Variants in ZNF724 observed in about 807,000 individuals in gnomAD.
The protein encoded by ZNF724 is zinc finger protein 724 pseudogene.
In ZNF724, 14 loss-of-function variants were observed where a neutral mutation model predicts 29.3. The observed-to-expected ratio is 0.48, with a 90% CI of 0.32 to 0.75. The LOEUF is 0.75. Among genes scored for constraint, ZNF724 ranks in the 30% least tolerant of loss-of-function variants. ZNF724 has a pLI of 0.04. For missense variants in ZNF724, 557 were observed against 571.2 expected (o/e 0.98, Z 0.25); for synonymous variants, 180 against 193.6 (o/e 0.93, Z 0.58).
rs1179886971 is a variant in ZNF724 at position 23,233,212 on chromosome 19, T to C, written c.4-919A>G. ...AGGTATCTTCTATCTTGATACAGGATATCTTAAGATACAGGAATCTTCTAT... is the reference window on the plus strand; with the variant it reads ...AGGTATCTTCTATCTTGATACAGGACATCTTAAGATACAGGAATCTTCTAT... On this transcript the variant is annotated intron_variant, in intron 1 of 3. Coordinates refer to ENST00000418100, the MANE Select transcript of ZNF724 (RefSeq NM_001355404.2). 2.0e-5 allele frequency among the ~76,000 whole-genome samples: 3 copies of C among 152,310 alleles called. No individual in the cohort carries two copies. In the East Asian group the frequency reaches 5.8e-4, roughly 29 times the overall value.
intron 3 of ZNF724, among the ~76,000 whole-genome samples, chr19:23,227,572 A>C (rs28686971): frequency 4.8e-5 from 2 of 41,874 alleles, no homozygotes; most frequent in South Asian, 1.1e-3. Flanking sequence ...AAAAAAAAAC[A>C]AAAAAAAACA....
At chr19:23,235,029 G>A (rs1012617102) in intron 1 of ZNF724, among the ~76,000 whole-genome samples, 1 of 152,130 alleles carries the variant, frequency 6.6e-6, no homozygotes. Context: ...ATTCTTTGCT[G>A]GTTCTTTAAA....
intron 1 of ZNF724, among the ~76,000 whole-genome samples, chr19:23,239,330 T>C (rs1481449539): frequency 6.6e-6 from 1 of 152,160 alleles, no homozygotes; most frequent in African/African-American, 2.4e-5. Context: ...AATAAAACAA[T>C]CCTCAGCAAA....
intron 1 of ZNF724, among the ~76,000 whole-genome samples, chr19:23,243,490 A>T (rs1448249905): frequency 6.8e-5 from 10 of 146,074 alleles, no homozygotes; most frequent in South Asian, 2.1e-4. Flanking sequence ...AAAAAAAAAA[A>T]AAAAAAAAAA....
intron 1 of ZNF724, among the ~76,000 whole-genome samples, chr19:23,238,480 A>T (rs1972060918): frequency 6.6e-6 from 1 of 152,254 alleles, no homozygotes; most frequent in South Asian, 2.1e-4. Flanking sequence ...TGTAAATATG[A>T]TTTACATATA....
rs1352568124 is a variant in ZNF724 at position 23,223,584 on chromosome 19, T to TATG, written c.658_660dup (p.His220dup). Reference sequence around the variant, plus strand: ...TCACATTTGTAGTGTTTTTGTCCTGTATGAATTCTCTTATGTTGAGAAAGG... The same window carrying TATG: ...TCACATTTGTAGTGTTTTTGTCCTGTATGATGAATTCTCTTATGTTGAGAAAGG... On this transcript the variant is annotated inframe_insertion, in exon 4 of 4. Transcript: ENST00000418100. The TATG allele has an allele frequency of 2.8e-6, 2 of 719,890 alleles. No individual in the cohort carries two copies. Among genetic ancestry groups the TATG allele is most frequent in the African/African-American group, 3.5e-5 (2 of 57,408 alleles). 44.6% of individuals were successfully genotyped at this position (719,890 alleles called of 1,614,324 possible). A position where few individuals can be genotyped will look rare whatever the true frequency, so the allele number is the denominator to read the frequency against.
Position 23,222,570 on chromosome 19 carries a change from C to T in ZNF724, c.1675G>A (p.Glu559Lys). Residue 559 changes from glutamate (E) to lysine (K), a missense_variant, in exon 4 of 4, where the codon GAG becomes AAG. Glu to Lys is a moderately conservative substitution (Grantham distance 56, BLOSUM62 1). This residue lies in a region of ZNF724 where 170 missense variants were observed against 220.7 expected (regional missense o/e 0.77). Coordinates refer to ENST00000418100, the MANE Select transcript of ZNF724 (RefSeq NM_001355404.2). Reference sequence around the variant, plus strand: ...CATTCTTCACATTTGTAGGGTTTCTCTCCAGTATGAATTATCTTATGTTGA... The same window carrying T: ...CATTCTTCACATTTGTAGGGTTTCTTTCCAGTATGAATTATCTTATGTTGA... ...LTQHKIIHTG[E>K]KPYKCEECGK... The T allele has an allele frequency of 2.9e-6, 4 of 1,384,516 alleles. No homozygotes were observed. The highest frequency in any genetic ancestry group is 4.1e-6 in the Non-Finnish European group (4 of 972,802). The allele number at this position is 1,384,516 out of a possible 1,614,324, so 85.8% of individuals were successfully genotyped here.
intron 3 of ZNF724, 70 bp from the exon 4 acceptor site, chr19:23,224,088 C>T: frequency 1.7e-6 from 1 of 592,170 alleles, no homozygotes; most frequent in Non-Finnish European, 3.0e-6. Context: ...CACATCTAAC[C>T]TACAAAACTA....
intron 1 of ZNF724, among the ~76,000 whole-genome samples, chr19:23,249,632 C>A (rs1252692836): frequency 6.6e-6 from 1 of 152,122 alleles, no homozygotes; most frequent in Non-Finnish European, 1.5e-5. Flanking sequence ...AACTCCTGAC[C>A]TCGTAATCCG....
At chr19:23,233,412 T>A (rs1314770957) in intron 1 of ZNF724, among the ~76,000 whole-genome samples, 1 of 151,946 alleles carries the variant, frequency 6.6e-6, no homozygotes, top group Non-Finnish European at 1.5e-5. Flanking sequence ...ATAGGGCTAA[T>A]AGCAAACACA....
intron 1 of ZNF724, among the ~76,000 whole-genome samples, chr19:23,243,514 C>CAAAAAAAAAAAAA (rs1972175444): frequency 7.7e-6 from 1 of 129,692 alleles, no homozygotes; most frequent in African/African-American, 3.1e-5. Context: ...TAAACTGATG[C>CAAAAAAAAAAAAA]AGAAAGAGAA....
chr19:23,226,340 C>T (rs1435935967), intron 3 of ZNF724, among the ~76,000 whole-genome samples: 1 of 152,052 alleles, frequency 6.6e-6, no homozygotes, highest in Non-Finnish European at 1.5e-5. Context: ...CGTGAGCCAC[C>T]ACGCCCAGCC....
intron 1 of ZNF724, among the ~76,000 whole-genome samples, chr19:23,243,308 T>A (rs1972168359): frequency 6.7e-6 from 1 of 149,222 alleles, no homozygotes; most frequent in South Asian, 2.1e-4. Context: ...TGAAACGCCG[T>A]CTCTACCAAA....
At chr19:23,242,944 CAGG>C (rs1972156700) in intron 1 of ZNF724, among the ~76,000 whole-genome samples, 1 of 146,350 alleles carries the variant, frequency 6.8e-6, no homozygotes, top group Non-Finnish European at 1.5e-5. Flanking sequence ...GAGGCTGAGG[CAGG>C]AGAATAGCTT....
chr19:23,224,041 C>T (rs1971777131), intron 3 of ZNF724, 23 bp from the exon 4 acceptor site: 3 of 622,894 alleles, frequency 4.8e-6, no homozygotes, highest in Non-Finnish European at 8.6e-6. Context: ...AAAATAACAA[C>T]TTACTCCACA....
At chr19:23,250,055 G>A (rs1228191864) in intron 1 of ZNF724, among the ~76,000 whole-genome samples, 185 bp downstream of exon 1, 1 of 152,178 alleles carries the variant, frequency 6.6e-6, no homozygotes, top group Non-Finnish European at 1.5e-5. Flanking sequence ...AGACGCCCGG[G>A]GGCCGGCTGT....
At chr19:23,249,827 C>T (rs1011984513) in intron 1 of ZNF724, among the ~76,000 whole-genome samples, 2 of 152,180 alleles carry the variant, frequency 1.3e-5, no homozygotes, top group South Asian at 2.1e-4. Context: ...AACCAAAGCG[C>T]CCGGCCTGCC....
In ZNF724 at chr19:23,222,037, G is replaced by C. The variant is rs1021802116; in HGVS notation, c.*348C>G. The C allele has an allele frequency of 8.8e-6, 2 of 228,284 alleles. No homozygotes were observed. Among genetic ancestry groups the C allele is most frequent in the African/African-American group, 2.3e-5 (1 of 43,588 alleles). 14.1% of individuals were successfully genotyped at this position (228,284 alleles called of 1,614,324 possible). On this transcript the variant is annotated 3_prime_UTR_variant, in exon 4 of 4. Coordinates refer to ENST00000418100, the MANE Select transcript of ZNF724 (RefSeq NM_001355404.2). ...AATAAGATGTGAACAGATATTAATGGCTTCTTCACATTCTTTACATTTGCA... is the reference window on the plus strand; with the variant it reads ...AATAAGATGTGAACAGATATTAATGCCTTCTTCACATTCTTTACATTTGCA...
chr19:23,227,557 A>AAAAAAAAC (rs1288485664), intron 3 of ZNF724, among the ~76,000 whole-genome samples: 1 of 108,112 alleles, frequency 9.2e-6, no homozygotes, highest in African/African-American at 2.7e-5. Flanking sequence ...CTCCATCTCA[A>AAAAAAAAC]AAAAAAAAAA....
Sources: allele counts gnomAD v4.1 joint callset (sites outside exome capture counted in the v4.1 genomes callset), GRCh38; gene constraint gnomAD v4.1.1; regional missense constraint gnomAD v4.1.1; transcripts MANE v1.5; gene names NCBI Gene and HGNC (gene_info 2026-07-23, HGNC 2026-07-21).